The following CLEC1A variants were observed in gnomAD, a reference collection of about 807,000 sequenced individuals.
CLEC1A encodes C-type lectin-like receptor-1.
CLEC1A carries 34 observed loss-of-function variants against 28.7 expected under a neutral mutation model. The observed-to-expected ratio is 1.18, with a 90% CI of 0.90 to 1.57. The LOEUF (loss-of-function observed/expected upper bound fraction) is 1.57. CLEC1A is among the 40% of genes most tolerant of loss of function. The pLI, the probability that CLEC1A is intolerant of heterozygous loss-of-function variation, is 0.00. For synonymous variants in CLEC1A, 116 were observed against 121.0 expected (o/e 0.96, Z 0.27); for missense variants, 385 against 339.5 (o/e 1.13, Z -1.05).
chr12:10,087,798 C>T (rs1866532042), intron 2 of CLEC1A, among the ~76,000 whole-genome samples: 1 of 151,150 alleles, frequency 6.6e-6, no homozygotes, highest in African/African-American at 2.4e-5. Context: ...GCTGGAATTA[C>T]AGGCATGAGC....
At chr12:10,091,923 G>T (rs1380682365) in intron 1 of CLEC1A, among the ~76,000 whole-genome samples, 1 of 152,006 alleles carries the variant, frequency 6.6e-6, no homozygotes, top group African/African-American at 2.4e-5. Flanking sequence ...GCTCCTTCTT[G>T]GAAAATATTT....
At chr12:10,073,535 A>G in intron 4 of CLEC1A, 124 bp from the exon 5 acceptor site, 1 of 678,500 alleles carries the variant, frequency 1.5e-6, no homozygotes, top group South Asian at 2.1e-5. Context: ...ATTGATGCTC[A>G]TATGCTTAAG....
chr12:10,074,916 G>A (rs1307551093), intron 4 of CLEC1A, among the ~76,000 whole-genome samples: 3 of 152,110 alleles, frequency 2.0e-5, no homozygotes, highest in African/African-American at 7.2e-5. Context: ...TACTATTTGA[G>A]AACTTCAATT....
At position 10,073,301 on chromosome 12, in the gene CLEC1A, A is replaced by G; in HGVS notation, c.654T>C (p.Thr218=). ...ATATCCTGAAGGCTTACAGTTCAGA[A>G]GTGAAAGGGGTTCCATCCATCCACA... ...AWLWMDGTPF[T]SELFHIIIDV... The change falls in exon 5 of 6, where the codon ACT becomes ACC. Residue 218 remains threonine, a synonymous_variant. Coordinates refer to ENST00000315330, the MANE Select transcript of CLEC1A (RefSeq NM_016511.4). 1 of 1,608,804 alleles carries G rather than the reference A, an allele frequency of 6.2e-7. No individual in the cohort carries two copies. The highest frequency in any genetic ancestry group is 1.1e-5 in the South Asian group (1 of 90,946).
At chr12:10,085,020 T>C (rs1866456235) in intron 2 of CLEC1A, among the ~76,000 whole-genome samples, 1 of 151,956 alleles carries the variant, frequency 6.6e-6, no homozygotes. Context: ...CTGAGATTCA[T>C]AAATGAAAGA....
chr12:10,075,536 T>C lies in CLEC1A; in HGVS notation c.511A>G (p.Thr171Ala). 6.2e-7 allele frequency: 1 copy of C among 1,613,956 alleles called. No individual in the cohort carries two copies. ...TCTTGTTTGTTTATCTTCAGCATGGTAGAGTTTTCACTAAGGCAGAAATAT... is the reference window on the plus strand; with the variant it reads ...TCTTGTTTGTTTATCTTCAGCATGGCAGAGTTTTCACTAAGGCAGAAATAT... ...CKYFCLSENS[T>A]MLKINKQEDL... is the part of the protein sequence containing the mutation. The change falls in exon 4 of 6, where the codon ACC becomes GCC. Residue 171 changes from threonine to alanine, a missense_variant. Transcript: ENST00000315330.
intron 3 of CLEC1A, among the ~76,000 whole-genome samples, chr12:10,077,370 C>T (rs1413489163): frequency 6.6e-6 from 1 of 152,040 alleles, no homozygotes; most frequent in African/African-American, 2.4e-5. Flanking sequence ...TACATATACC[C>T]TCCATTCCAG....
intron 3 of CLEC1A, 133 bp from the exon 4 acceptor site, chr12:10,075,788 G>T (rs959325562): frequency 2.7e-6 from 2 of 733,948 alleles, no homozygotes; most frequent in Non-Finnish European, 4.4e-6. Context: ...CCCAGGCAAT[G>T]ATAACTACAA....
At chr12:10,094,475 G>A (rs960027270) in intron 1 of CLEC1A, among the ~76,000 whole-genome samples, 9 of 151,936 alleles carry the variant, frequency 5.9e-5, no homozygotes, top group Non-Finnish European at 1.3e-4. Flanking sequence ...GAGAGAGAGA[G>A]AAATAGTTAT....
At chr12:10,082,372 C>T (rs1866390611) in intron 2 of CLEC1A, among the ~76,000 whole-genome samples, 1 of 152,082 alleles carries the variant, frequency 6.6e-6, no homozygotes, top group Non-Finnish European at 1.5e-5. Context: ...ACTTGCATCA[C>T]CAGCTATGTG....
At chr12:10,092,923 TTCTC>T (rs1394840616) in intron 1 of CLEC1A, among the ~76,000 whole-genome samples, 1 of 151,982 alleles carries the variant, frequency 6.6e-6, no homozygotes. Flanking sequence ...CTCTCTCGCT[TTCTC>T]TCTCTCTCTT....
At chr12:10,079,601 A>G (rs1425612951) in intron 3 of CLEC1A, among the ~76,000 whole-genome samples, 1 of 151,984 alleles carries the variant, frequency 6.6e-6, no homozygotes, top group East Asian at 1.9e-4. Flanking sequence ...CGGGCAGATC[A>G]CTTGAGGCCA....
intron 1 of CLEC1A, among the ~76,000 whole-genome samples, chr12:10,097,225 A>T (rs1947789156): frequency 6.6e-6 from 1 of 152,232 alleles, no homozygotes; most frequent in Non-Finnish European, 1.5e-5. Flanking sequence ...CTAGAAATTA[A>T]ATGAATGTGT....
chr12:10,093,448 T>C (rs1947734576), intron 1 of CLEC1A, among the ~76,000 whole-genome samples: 1 of 151,078 alleles, frequency 6.6e-6, no homozygotes, highest in Non-Finnish European at 1.5e-5. Flanking sequence ...TAGGGTCAAA[T>C]TTTGGATACC....
intron 1 of CLEC1A, among the ~76,000 whole-genome samples, chr12:10,090,323 C>T (rs1188124796): frequency 6.6e-6 from 1 of 152,196 alleles, no homozygotes; most frequent in Non-Finnish European, 1.5e-5. Context: ...GAGATCTCAG[C>T]TCACTGCAAC....
chr12:10,085,035 T>G (rs956581413), intron 2 of CLEC1A, among the ~76,000 whole-genome samples: 3 of 151,934 alleles, frequency 2.0e-5, no homozygotes, highest in Admixed American at 6.6e-5. Context: ...GAAAGAGAGA[T>G]AATGTTTTTT....
chr12:10,085,278 T>C (rs1227605142), intron 2 of CLEC1A, among the ~76,000 whole-genome samples: 1 of 139,452 alleles, frequency 7.2e-6, no homozygotes, highest in Non-Finnish European at 1.5e-5. Flanking sequence ...ACTAGCATAA[T>C]GAATAGAACA....
intron 1 of CLEC1A, among the ~76,000 whole-genome samples, chr12:10,092,019 TA>T (rs11309707): frequency 0.7 from 106,193 of 151,982 alleles, 40,446 homozygotes; most frequent in Non-Finnish European, 0.88. Context: ...ATAGGTCCAT[TA>T]TATACAAATA....
chr12:10,073,443 T>TTTCTTA, intron 4 of CLEC1A, 32 bp from the exon 5 acceptor site: 1 of 1,549,030 alleles, frequency 6.5e-7, no homozygotes, highest in Non-Finnish European at 8.9e-7. Flanking sequence ...AGCTTTAGCT[T>TTTCTTA]TGGTGGCATG....
Sources: allele counts gnomAD v4.1 joint callset (sites outside exome capture counted in the v4.1 genomes callset), GRCh38; gene constraint gnomAD v4.1.1; transcripts MANE v1.5; gene names NCBI Gene and HGNC (gene_info 2026-07-23, HGNC 2026-07-21).